ZC4H2: variants seen among roughly 807,000 people sequenced by gnomAD.
ZC4H2 encodes the protein zinc finger C4H2-type containing.
For missense variants in ZC4H2, 137 were observed against 173.9 expected (o/e 0.79, Z 1.19); for synonymous variants, 84 against 66.3 (o/e 1.27, Z -1.30).
intron 1 of ZC4H2, among the ~76,000 whole-genome samples, chrX:64,971,490 G>C (rs5964890): frequency 0.12 from 13,829 of 111,527 alleles, 2,063 homozygotes; most frequent in African/African-American, 0.42. Context: ...AGAGAAAGGG[G>C]AGTCAACATT....
chrX:64,943,548 G>A (rs1373455793), intron 1 of ZC4H2, among the ~76,000 whole-genome samples: 1 of 110,056 alleles, frequency 9.1e-6, no homozygotes, highest in Non-Finnish European at 1.9e-5. Flanking sequence ...AGGATAGGTA[G>A]CTCTTCTTGT....
intron 1 of ZC4H2, among the ~76,000 whole-genome samples, chrX:64,957,300 G>T (rs1931194399): frequency 9.0e-6 from 1 of 111,502 alleles, no homozygotes; most frequent in Non-Finnish European, 1.9e-5. Flanking sequence ...CCACTACATG[G>T]CTGTGCTGGA....
chrX:64,968,236 T>C (rs893428771), intron 1 of ZC4H2, among the ~76,000 whole-genome samples: 1 of 112,255 alleles, frequency 8.9e-6, no homozygotes, highest in African/African-American at 3.2e-5. Context: ...TGTTTCACTT[T>C]ATTTTCACAC....
chrX:64,926,440 T>C (rs183961683), intron 1 of ZC4H2, among the ~76,000 whole-genome samples: 39 of 112,021 alleles, frequency 3.5e-4, no homozygotes, highest in African/African-American at 1.2e-3. Flanking sequence ...TATATGATAA[T>C]TGCACATTTA....
chrX:65,032,734 T>TTTCC (rs59235733), intron 1 of ZC4H2, among the ~76,000 whole-genome samples: 35,616 of 86,565 alleles, frequency 0.41, 6,843 homozygotes, highest in East Asian at 0.63. Context: ...TTCTTCTTTC[T>TTTCC]TTCCTTCCTT....
Position 64,920,157 on chromosome X carries a change from C to T in ZC4H2, c.322G>A (p.Val108Met). The change falls in exon 3 of 5, where the codon GTG becomes ATG. Residue 108 changes from valine (V) to methionine (M), a missense_variant. Transcript: ENST00000374839. ...CCCAGAGTCATGCGCAGGGCATCCA[C>T]ATGTTCTTTCAGTGGCTTATACTCA... ...HDEYKPLKEH[V>M]DALRMTLGLQ... The T allele has an allele frequency of 1.7e-6, 2 of 1,211,781 alleles. No individual in the cohort carries two copies. Among genetic ancestry groups the T allele is most frequent in the Non-Finnish European group, 2.2e-6 (2 of 895,525 alleles).
chrX:65,006,042 T>G (rs763047822), intron 1 of ZC4H2, among the ~76,000 whole-genome samples: 2 of 111,521 alleles, frequency 1.8e-5, no homozygotes, highest in East Asian at 5.6e-4. Flanking sequence ...TGGTGATCAT[T>G]AAAAAGTCAG....
upstream of ZC4H2, among the ~76,000 whole-genome samples, chrX:64,977,981 G>A (rs1208171401): frequency 9.0e-6 from 1 of 111,394 alleles, no homozygotes; most frequent in Admixed American, 9.5e-5. Flanking sequence ...TGCACAAACA[G>A]GCCTAGAGAG....
chrX:65,028,816 C>T (rs749828213), intron 1 of ZC4H2, among the ~76,000 whole-genome samples: 5 of 111,596 alleles, frequency 4.5e-5, no homozygotes, highest in South Asian at 3.8e-4. Flanking sequence ...GCCACTGTGC[C>T]GGGCCTCTCT....
intron 1 of ZC4H2, among the ~76,000 whole-genome samples, chrX:65,001,887 G>A (rs1932544174): frequency 5.4e-5 from 6 of 111,745 alleles, no homozygotes; most frequent in African/African-American, 2.0e-4. Flanking sequence ...AACTAGAAGA[G>A]CTAACTATCC....
At chrX:64,966,903 A>G (rs1416198925) in intron 1 of ZC4H2, among the ~76,000 whole-genome samples, 1 of 111,821 alleles carries the variant, frequency 8.9e-6, no homozygotes, top group East Asian at 2.8e-4. Context: ...TTATTAAAAC[A>G]TGCTGAATTG....
intron 1 of ZC4H2, among the ~76,000 whole-genome samples, chrX:64,939,590 A>G (rs1339842945): frequency 8.9e-6 from 1 of 111,918 alleles, no homozygotes; most frequent in Non-Finnish European, 1.9e-5. Flanking sequence ...ACCAAAACAG[A>G]TACATAGAAC....
chrX:64,942,471 C>T (rs956165676), intron 1 of ZC4H2, among the ~76,000 whole-genome samples: 5 of 108,738 alleles, frequency 4.6e-5, no homozygotes, highest in Non-Finnish European at 9.5e-5. Flanking sequence ...CAAATGCTAT[C>T]TCTCCCCTTG....
intron 1 of ZC4H2, among the ~76,000 whole-genome samples, chrX:64,951,485 T>C (rs1930832754): frequency 1.8e-5 from 2 of 112,120 alleles, no homozygotes; most frequent in Admixed American, 1.9e-4. Context: ...TTTTTAATGA[T>C]TGCCATTCTA....
At chrX:65,005,598 T>TA (rs1457709108) in intron 1 of ZC4H2, among the ~76,000 whole-genome samples, 1 of 110,980 alleles carries the variant, frequency 9.0e-6, no homozygotes, top group Non-Finnish European at 1.9e-5. Context: ...CCTAAAACCA[T>TA]AAAAACCCTA....
intron 1 of ZC4H2, among the ~76,000 whole-genome samples, chrX:65,024,851 GAA>G: frequency 9.0e-6 from 1 of 111,578 alleles, no homozygotes; most frequent in Non-Finnish European, 1.9e-5. Flanking sequence ...GAGTAGACAT[GAA>G]TGTAACCATG....
chrX:65,012,263 GAAAGA>G (rs1932763097), intron 1 of ZC4H2, among the ~76,000 whole-genome samples: 2 of 90,984 alleles, frequency 2.2e-5, no homozygotes, highest in African/African-American at 7.9e-5. Flanking sequence ...AAGAAAGAAA[GAAAGA>G]AAAGAGAAAA....
chrX:64,998,478 C>T (rs1289840502), intron 1 of ZC4H2, among the ~76,000 whole-genome samples: 2 of 112,188 alleles, frequency 1.8e-5, no homozygotes, highest in African/African-American at 6.5e-5. Context: ...CATATCCACA[C>T]CAAACAATAG....
At chrX:65,028,397 C>T (rs1262125383) in intron 1 of ZC4H2, among the ~76,000 whole-genome samples, 1 of 112,237 alleles carries the variant, frequency 8.9e-6, no homozygotes, top group Non-Finnish European at 1.9e-5. Context: ...TTCCTTGGTG[C>T]ATATATGCAG....
Sources: allele counts gnomAD v4.1 joint callset (sites outside exome capture counted in the v4.1 genomes callset), GRCh38; gene constraint gnomAD v4.1.1; transcripts MANE v1.5; gene names NCBI Gene and HGNC (gene_info 2026-07-23, HGNC 2026-07-21).